Variants in BICDL1 observed in about 807,000 individuals in gnomAD.
The protein encoded by BICDL1 is BICD family-like cargo adapter 1.
In BICDL1, 20 loss-of-function variants were observed where a neutral mutation model predicts 76.8. The observed-to-expected ratio is 0.26, with a 90% CI of 0.18 to 0.38. The LOEUF (loss-of-function observed/expected upper bound fraction) is 0.38. Among genes scored for constraint, BICDL1 ranks in the 10% least tolerant of loss-of-function variants. The pLI is 1.00. For missense variants in BICDL1, 700 were observed against 798.6 expected, an observed-to-expected ratio of 0.88 and a Z score of 1.49; for synonymous variants, 383 against 337.1, an observed-to-expected ratio of 1.14 and a Z score of -1.49.
chr12:120,022,656 A>G (rs1952208585), intron 2 of BICDL1, among the ~76,000 whole-genome samples: 1 of 152,026 alleles, frequency 6.6e-6, no homozygotes. Context: ...AAAAACATAC[A>G]CAAACTATAT....
intron 2 of BICDL1, among the ~76,000 whole-genome samples, chr12:120,045,653 G>A (rs1872022597): frequency 6.6e-6 from 1 of 151,054 alleles, no homozygotes; most frequent in Non-Finnish European, 1.5e-5. Context: ...ATCATTCTCA[G>A]TAAACTATCG....
chr12:120,083,242 C>T (rs1226266058), intron 8 of BICDL1, among the ~76,000 whole-genome samples: 1 of 152,048 alleles, frequency 6.6e-6, no homozygotes, highest in Non-Finnish European at 1.5e-5. Flanking sequence ...CCCCTATTCC[C>T]CTGTGAATTA....
At chr12:120,053,985 CA>C (rs1952919028) in intron 2 of BICDL1, among the ~76,000 whole-genome samples, 1 of 151,568 alleles carries the variant, frequency 6.6e-6, no homozygotes, top group African/African-American at 2.4e-5. Flanking sequence ...CCAGCCTGAC[CA>C]ACATGGTGAA....
chr12:120,019,901 G>A (rs1344731344), intron 2 of BICDL1, among the ~76,000 whole-genome samples: 1 of 152,202 alleles, frequency 6.6e-6, no homozygotes, highest in Non-Finnish European at 1.5e-5. Context: ...TATGATGTAA[G>A]CAAGGGAATG....
intron 2 of BICDL1, among the ~76,000 whole-genome samples, chr12:120,010,485 A>G (rs969057608): frequency 6.6e-6 from 1 of 152,194 alleles, no homozygotes; most frequent in African/African-American, 2.4e-5. Context: ...TTTCATATGG[A>G]AAAGGGCTGT....
In BICDL1 at chr12:119,989,349, G is replaced by A. The variant is rs1050291130; in HGVS notation, c.-520G>A. On this transcript the variant is annotated 5_prime_UTR_variant, in exon 1 of 10. Coordinates refer to ENST00000548673, the MANE Select transcript of BICDL1 (RefSeq NM_001367886.1). Reference sequence around the variant, plus strand: ...CTGCTGGGGCTGCCGCGGAGCCGGGGGTCATGGAGTGCGGCTGCAGAGAGC... The same window carrying A: ...CTGCTGGGGCTGCCGCGGAGCCGGGAGTCATGGAGTGCGGCTGCAGAGAGC... Among the ~76,000 whole-genome samples the A allele has an allele frequency of 2.0e-5, 3 of 150,552 alleles. No individual in the cohort carries two copies. The highest frequency in any genetic ancestry group is 4.4e-5 in the Non-Finnish European group (3 of 67,506).
intron 8 of BICDL1, among the ~76,000 whole-genome samples, chr12:120,086,751 T>C (rs1874446923): frequency 6.6e-6 from 1 of 152,264 alleles, no homozygotes; most frequent in Non-Finnish European, 1.5e-5. Flanking sequence ...TTACTAGTGG[T>C]TTCATTTGTA....
intron 2 of BICDL1, among the ~76,000 whole-genome samples, chr12:120,038,292 A>G: frequency 6.6e-6 from 1 of 152,356 alleles, no homozygotes; most frequent in South Asian, 2.1e-4. Flanking sequence ...GAGAAAACAT[A>G]GTGAGCATTT....
intron 2 of BICDL1, among the ~76,000 whole-genome samples, chr12:120,033,490 C>G (rs1435114975): frequency 6.6e-6 from 1 of 151,204 alleles, no homozygotes; most frequent in Admixed American, 6.6e-5. Context: ...CATTCTCCCA[C>G]CTCAGCCTCC....
At chr12:120,013,882 A>AT (rs1473294815) in intron 2 of BICDL1, among the ~76,000 whole-genome samples, 1 of 152,184 alleles carries the variant, frequency 6.6e-6, no homozygotes, top group Non-Finnish European at 1.5e-5. Flanking sequence ...TTGACTTTAG[A>AT]TTTCTAGCAT....
intron 2 of BICDL1, among the ~76,000 whole-genome samples, chr12:120,051,907 T>C (rs921667056): frequency 6.6e-6 from 1 of 152,134 alleles, no homozygotes; most frequent in East Asian, 1.9e-4. Flanking sequence ...TCTCCTCCAA[T>C]CTCTGCCAGT....
At chr12:120,055,568 A>G (rs1952955750) in intron 2 of BICDL1, among the ~76,000 whole-genome samples, 1 of 152,204 alleles carries the variant, frequency 6.6e-6, no homozygotes, top group Admixed American at 6.5e-5. Flanking sequence ...TTATAAAAAG[A>G]GTTTATTTCA....
chr12:120,090,884 GCTCT>G, intron 9 of BICDL1: 1 of 1,288,838 alleles, frequency 7.8e-7, no homozygotes, highest in Non-Finnish European at 1.0e-6. Context: ...GCTGACCGCT[GCTCT>G]CTCTCTTCTC....
At chr12:120,085,346 G>A (rs1275734669) in intron 8 of BICDL1, among the ~76,000 whole-genome samples, 3 of 152,176 alleles carry the variant, frequency 2.0e-5, no homozygotes, top group Admixed American at 1.3e-4. Context: ...GGAGGTTGCA[G>A]TAAGCCAAGA....
At chr12:120,025,196 G>A (rs1159688771) in intron 2 of BICDL1, among the ~76,000 whole-genome samples, 11 of 151,728 alleles carry the variant, frequency 7.2e-5, no homozygotes, top group East Asian at 1.9e-4. Context: ...GACTACAGGC[G>A]CCCGCCACCT....
intron 2 of BICDL1, among the ~76,000 whole-genome samples, chr12:120,030,861 G>T (rs1329402997): frequency 6.6e-6 from 1 of 152,180 alleles, no homozygotes; most frequent in African/African-American, 2.4e-5. Context: ...AGCACAGCCT[G>T]GGTATGACAA....
chr12:120,012,598 C>CA (rs755588177), intron 2 of BICDL1, among the ~76,000 whole-genome samples: 5 of 152,096 alleles, frequency 3.3e-5, no homozygotes, highest in Admixed American at 2.6e-4. Flanking sequence ...ACTATGATGT[C>CA]AGAGATGTTT....
At chr12:120,081,946 A>G (rs1366471015) in intron 8 of BICDL1, among the ~76,000 whole-genome samples, 8 of 151,238 alleles carry the variant, frequency 5.3e-5, no homozygotes, top group African/African-American at 1.2e-4. Context: ...AAAAAACACA[A>G]TACAATGATC....
intron 1 of BICDL1, among the ~76,000 whole-genome samples, 170 bp downstream of exon 1, chr12:119,990,467 C>A (rs1269967546): frequency 6.6e-6 from 1 of 152,124 alleles, no homozygotes; most frequent in Non-Finnish European, 1.5e-5. Flanking sequence ...TTCGTTGAAC[C>A]CACTTGACTT....
Sources: gnomAD v4.1 joint callset for allele counts (sites outside exome capture counted in the v4.1 genomes callset) on GRCh38, gnomAD v4.1.1 for gene constraint, MANE v1.5 for transcripts, NCBI Gene and HGNC (gene_info 2026-07-23, HGNC 2026-07-21) for gene names.